The following TUB variants were observed in gnomAD, a reference collection of about 807,000 sequenced individuals.
The protein encoded by TUB is tubby protein homolog.
TUB carries 33 observed loss-of-function variants against 59.7 expected under a neutral mutation model. The ratio of observed to expected loss-of-function variants is 0.55; its 90% CI spans 0.42 to 0.74. The LOEUF (loss-of-function observed/expected upper bound fraction) is 0.74. TUB is among the 30% of genes least tolerant of loss of function. TUB has a pLI of 0.00. For missense variants in TUB, 659 were observed against 672.0 expected (o/e 0.98, Z 0.21); for synonymous variants, 293 against 256.4 (o/e 1.14, Z -1.36).
intron 2 of TUB, among the ~76,000 whole-genome samples, chr11:8,063,629 A>G (rs1003117253): frequency 1.3e-5 from 2 of 152,148 alleles, no homozygotes; most frequent in Admixed American, 6.5e-5. Context: ...GGCTCCTTCC[A>G]ATTTCTTGCT....
intron 1 of TUB, among the ~76,000 whole-genome samples, chr11:8,024,576 C>T (rs1942475574): frequency 6.6e-6 from 1 of 152,158 alleles, no homozygotes; most frequent in African/African-American, 2.4e-5. Context: ...ACTTCATTTC[C>T]ACTCTACTTC....
intron 3 of TUB, among the ~76,000 whole-genome samples, chr11:8,093,700 A>G (rs1294428103): frequency 6.6e-6 from 1 of 152,134 alleles, no homozygotes; most frequent in Non-Finnish European, 1.5e-5. Context: ...TTCAATGGCC[A>G]TATCCTCTCA....
At position 8,103,402 on chromosome 11, in the gene TUB, A is replaced by G. The variant is rs1200338768; in HGVS notation, c.*1783A>G. 6.6e-6 allele frequency: 1 copy of G among 152,260 alleles called. No homozygotes were observed. Among genetic ancestry groups the G allele is most frequent in the East Asian group, 1.9e-4 (1 of 5,200 alleles). The allele number at this position is 152,260 out of a possible 1,614,324, so 9.4% of individuals were successfully genotyped here. ...AAGCTAAGTAGAAATTTTTTAAAAT[A>G]GAAGTTGTATTTTAAACGTGTTAGG... is the stretch of plus-strand genomic sequence containing the variant. On this transcript the variant is annotated 3_prime_UTR_variant, in exon 12 of 12. Coordinates refer to ENST00000299506, the MANE Select transcript of TUB (RefSeq NM_177972.3).
chr11:8,026,582 T>C (rs1458702229), intron 1 of TUB, among the ~76,000 whole-genome samples: 1 of 152,190 alleles, frequency 6.6e-6, no homozygotes, highest in Non-Finnish European at 1.5e-5. Context: ...TTGATTATTG[T>C]TTGTAAGTTT....
chr11:8,027,437 TA>T (rs1942514832), intron 1 of TUB, among the ~76,000 whole-genome samples: 1 of 152,230 alleles, frequency 6.6e-6, no homozygotes, highest in African/African-American at 2.4e-5. Context: ...TTGTAGCATA[TA>T]TTTTTTGGCT....
upstream of TUB, among the ~76,000 whole-genome samples, chr11:8,080,208 C>T (rs570985010): frequency 1.4e-4 from 22 of 152,344 alleles, no homozygotes; most frequent in African/African-American, 5.1e-4. Flanking sequence ...GCGGTTGGCG[C>T]GGCAGAATCC....
chr11:8,089,933 C>T, intron 2 of TUB, 136 bp from the exon 3 acceptor site: 7 of 1,333,326 alleles, frequency 5.3e-6, no homozygotes, highest in Non-Finnish European at 7.0e-6. Context: ...GTTTTGCCTC[C>T]CTTTCCTGGA....
Position 8,100,535 on chromosome 11 carries a change from G to A in TUB, c.1149G>A (p.Arg383=). 6.2e-7 allele frequency: 1 copy of A among 1,614,132 alleles called. No homozygotes were observed. Among genetic ancestry groups the A allele is most frequent in the Non-Finnish European group, 8.5e-7 (1 of 1,180,012 alleles). The part of the protein sequence containing the change: ...ETNVLGFKGP[R]KMSVIVPGMN... ...ACGTCTTAGGCTTCAAGGGGCCTCG[G>A]AAGATGAGCGTGATTGTCCCAGGCA... The change falls in exon 10 of 12, where the codon CGG becomes CGA. Residue 383 remains arginine (R), a synonymous_variant. Transcript: ENST00000299506.
chr11:8,062,380 C>T (rs557759700), intron 2 of TUB: 5 of 152,812 alleles, frequency 3.3e-5, no homozygotes, highest in Admixed American at 3.3e-4. Context: ...TGGGGAGATA[C>T]ACATGCTTGG....
Position 8,063,433 on chromosome 11 carries a change from G to A in TUB, c.203+23741G>A, listed in dbSNP as rs150772781. 9.6e-3 allele frequency among the ~76,000 whole-genome samples: 1,466 copies of A among 152,302 alleles called. 19 individuals carry two copies. The highest frequency in any genetic ancestry group is 0.033 in the African/African-American group (1,358 of 41,562). ...GGCAGCATGAAGTAGCCGACTGCAC[G>A]TTTGCTTCCATGGTTGAAGCTGGAG... On this transcript the variant is annotated intron_variant, in intron 2 of 12. Coordinates refer to the TUB transcript ENST00000305253.
In TUB at chr11:8,096,799, C is replaced by T; in HGVS notation, c.680C>T (p.Ser227Phe). ...CCCAGCTCTGCTACTAGCAGGAAGT[C>T]CGTCAGGGTGAGTGAGTGAGTCTGC... ...TRPSSATSRK[S>F]VREAASAPSP... is the part of the protein sequence containing the mutation. The change falls in exon 6 of 12, where the codon TCC becomes TTC. Residue 227 changes from serine to phenylalanine, a missense_variant. This residue lies in a region of TUB where 321 missense variants were observed against 304.3 expected (regional missense o/e 1.05). Coordinates refer to ENST00000299506, the MANE Select transcript of TUB (RefSeq NM_177972.3). 1.9e-6 allele frequency: 3 copies of T among 1,614,152 alleles called. No individual in the cohort carries two copies. The highest frequency in any genetic ancestry group is 2.2e-5 in the East Asian group (1 of 44,884).
intron 5 of TUB, among the ~76,000 whole-genome samples, 164 bp from the exon 6 acceptor site, chr11:8,096,521 G>A (rs757103176): frequency 2.0e-5 from 3 of 152,218 alleles, no homozygotes; most frequent in Non-Finnish European, 2.9e-5. Context: ...GGGAATATAT[G>A]TGTGAATGGG....
upstream of TUB, among the ~76,000 whole-genome samples, chr11:8,080,206 C>T (rs1233360072): frequency 6.6e-6 from 1 of 152,214 alleles, no homozygotes; most frequent in African/African-American, 2.4e-5. Flanking sequence ...GCGCGGTTGG[C>T]GCGGCAGAAT....
chr11:8,098,380 C>T (rs935734565), intron 8 of TUB, among the ~76,000 whole-genome samples: 6 of 152,232 alleles, frequency 3.9e-5, no homozygotes, highest in African/African-American at 1.2e-4. Context: ...AGGCTGGCTG[C>T]GACAGAGGAG....
Position 8,101,465 on chromosome 11 carries a change from T to C in TUB, c.1388-21T>C, listed in dbSNP as rs779475495. 20 of 1,609,400 alleles carry C rather than the reference T, an allele frequency of 1.2e-5. No homozygotes were observed. The East Asian group carries it at 4.2e-4, about 34-fold the overall frequency. ...TTCCTGTCCTGTCCTTTTCTCTGTC[T>C]GTGCCTGTGCTTGGCCCCAGCGGAC... On this transcript the variant is annotated intron_variant, in intron 11 of 11. Coordinates refer to ENST00000299506, the MANE Select transcript of TUB (RefSeq NM_177972.3).
At chr11:8,051,010 A>C (rs1412165520) in intron 2 of TUB, among the ~76,000 whole-genome samples, 2 of 152,238 alleles carry the variant, frequency 1.3e-5, no homozygotes, top group African/African-American at 4.8e-5. Context: ...GGCCAGGACC[A>C]GTTGTTCCAC....
chr11:8,098,639 G>A (rs1944114019), intron 8 of TUB, 119 bp from the exon 9 acceptor site: 2 of 724,364 alleles, frequency 2.8e-6, no homozygotes. Context: ...TGCCTCCCTG[G>A]GCCTGCTCCT....
chr11:8,039,430 A>ACTGCTTGC, intron 1 of TUB: 1 of 441,280 alleles, frequency 2.3e-6, no homozygotes, highest in Non-Finnish European at 3.9e-6. Context: ...CCTCATCTGG[A>ACTGCTTGC]CTGCCTGCCT....
At position 8,106,219 on chromosome 11, in the gene TUB, A is replaced by C. The variant is rs1053869460; in HGVS notation, c.*4600A>C. On this transcript the variant is annotated 3_prime_UTR_variant, in exon 12 of 12. Coordinates refer to ENST00000299506, the MANE Select transcript of TUB (RefSeq NM_177972.3). ...TGTCTAAGTACACACATATATCAACAAATTAAACTTGAATCGTTTCAACAC... is the reference window on the plus strand; with the variant it reads ...TGTCTAAGTACACACATATATCAACCAATTAAACTTGAATCGTTTCAACAC... 3.3e-5 allele frequency: 5 copies of C among 152,234 alleles called. No individual in the cohort carries two copies. Among genetic ancestry groups the C allele is most frequent in the African/African-American group, 1.2e-4 (5 of 41,452 alleles). 9.4% of individuals were successfully genotyped at this position (152,234 alleles called of 1,614,324 possible). A position where few individuals can be genotyped will look rare whatever the true frequency, so the allele number is the denominator to read the frequency against.
Sources: gnomAD v4.1 joint callset for allele counts (sites outside exome capture counted in the v4.1 genomes callset) on GRCh38, gnomAD v4.1.1 for gene constraint, gnomAD v4.1.1 regional missense constraint, MANE v1.5 for transcripts, NCBI Gene and HGNC (gene_info 2026-07-23, HGNC 2026-07-21) for gene names.